PDE1A: variants seen among roughly 807,000 people sequenced by gnomAD.
The protein encoded by PDE1A is dual specificity calcium/calmodulin-dependent 3',5'-cyclic nucleotide phosphodiesterase 1A.
Under a neutral mutation model 61.7 loss-of-function variants are expected in PDE1A, and 35 were observed. The observed-to-expected ratio is 0.57, with a 90% CI of 0.43 to 0.75. The LOEUF (loss-of-function observed/expected upper bound fraction) is 0.75, where lower values mean the gene tolerates loss of function less well. PDE1A is among the 30% of genes least tolerant of loss of function. PDE1A has a pLI of 0.00. For synonymous variants in PDE1A, 232 were observed against 213.2 expected, an observed-to-expected ratio of 1.09 and a Z score of -0.77; for missense variants, 597 against 630.6, an observed-to-expected ratio of 0.95 and a Z score of 0.57.
At chr2:182,583,344 G>T in the PDE1A span, among the ~76,000 whole-genome samples, 1 of 152,146 alleles carries the variant, frequency 6.6e-6, no homozygotes, top group Non-Finnish European at 1.5e-5. Context: ...TTATTATAAA[G>T]ATATAGTAGA....
the PDE1A span, among the ~76,000 whole-genome samples, chr2:182,685,639 G>A: frequency 1.3e-5 from 2 of 152,186 alleles, no homozygotes; most frequent in Non-Finnish European, 2.9e-5. Flanking sequence ...GACTGCCTGA[G>A]TGCTAAATCT....
At chr2:182,520,043 T>C (rs769868060) in intron 2 of PDE1A, among the ~76,000 whole-genome samples, 12 of 151,914 alleles carry the variant, frequency 7.9e-5, no homozygotes, top group Non-Finnish European at 1.8e-4. Context: ...TGATTTTAAT[T>C]GCCAAAACTT....
the PDE1A span, among the ~76,000 whole-genome samples, chr2:182,632,544 G>A: frequency 6.6e-6 from 1 of 151,842 alleles, no homozygotes; most frequent in Admixed American, 6.6e-5. Flanking sequence ...ATTAGATACT[G>A]CAAGAAGAAA....
intron 1 of PDE1A, among the ~76,000 whole-genome samples, chr2:182,415,106 C>CT (rs1387978618): frequency 1.3e-5 from 2 of 152,068 alleles, no homozygotes; most frequent in Non-Finnish European, 2.9e-5. Context: ...AAAATTCTGT[C>CT]TTTACCACTC....
chr2:182,646,428 A>T, the PDE1A span, among the ~76,000 whole-genome samples: 1 of 148,856 alleles, frequency 6.7e-6, no homozygotes, highest in African/African-American at 2.5e-5. Flanking sequence ...GGTGGCTCAC[A>T]CCTGTAATCC....
the PDE1A span, among the ~76,000 whole-genome samples, chr2:182,539,209 T>C: frequency 3.9e-5 from 6 of 152,232 alleles, no homozygotes; most frequent in African/African-American, 1.4e-4. Context: ...TGGTTTATTT[T>C]ACTCATAGTA....
chr2:182,151,127 G>T (rs1477156171), intron 13 of PDE1A, among the ~76,000 whole-genome samples: 1 of 152,110 alleles, frequency 6.6e-6, no homozygotes, highest in East Asian at 1.9e-4. Flanking sequence ...TGCTCTTGTT[G>T]TCCAGGCTGG....
rs1483438406 is a variant in PDE1A at position 182,277,017 on chromosome 2, G to GA, written c.54-12604dup. 3.3e-5 allele frequency among the ~76,000 whole-genome samples: 5 copies of GA among 152,172 alleles called. No homozygotes were observed. The East Asian group carries it at 7.7e-4, about 24-fold the overall frequency. On this transcript the variant is annotated intron_variant, in intron 1 of 13. Coordinates refer to ENST00000351439, the Ensembl canonical transcript of PDE1A. ...TTCTGTTGTTTAAGAAGTTTATTAA[G>GA]ACAATATGTGCACAGCTGAACATAG...
At chr2:182,633,806 G>A in the PDE1A span, among the ~76,000 whole-genome samples, 2 of 152,128 alleles carry the variant, frequency 1.3e-5, no homozygotes, top group South Asian at 2.1e-4. Flanking sequence ...TAACCAGGCT[G>A]GATGCAGTGG....
chr2:182,267,214 A>G (rs1288649539), intron 1 of PDE1A, among the ~76,000 whole-genome samples: 1 of 152,134 alleles, frequency 6.6e-6, no homozygotes, highest in African/African-American at 2.4e-5. Context: ...TGCTTGCACA[A>G]TGAACATGCC....
upstream of PDE1A, among the ~76,000 whole-genome samples, chr2:182,527,533 G>A (rs981503363): frequency 6.7e-6 from 1 of 149,956 alleles, no homozygotes; most frequent in African/African-American, 2.5e-5. Flanking sequence ...ACTCCAGCAT[G>A]GGTGACAGAG....
At chr2:182,239,498 G>T (rs1359968704) in intron 3 of PDE1A, among the ~76,000 whole-genome samples, 1 of 151,982 alleles carries the variant, frequency 6.6e-6, no homozygotes, top group Non-Finnish European at 1.5e-5. Context: ...AGGGCTGAAA[G>T]AATGTAAAAT....
chr2:182,219,042 G>T (rs1384536559), intron 7 of PDE1A, among the ~76,000 whole-genome samples: 1 of 152,008 alleles, frequency 6.6e-6, no homozygotes, highest in Non-Finnish European at 1.5e-5. Context: ...ATTACTTTGG[G>T]TAGCAGGTGA....
At chr2:182,249,041 C>G (rs927306548) in intron 2 of PDE1A, among the ~76,000 whole-genome samples, 1 of 152,166 alleles carries the variant, frequency 6.6e-6, no homozygotes, top group African/African-American at 2.4e-5. Context: ...AAAAGACAGA[C>G]AAGTTGGGTG....
intron 1 of PDE1A, among the ~76,000 whole-genome samples, chr2:182,360,100 G>A (rs367730032): frequency 9.2e-5 from 14 of 151,842 alleles, no homozygotes; most frequent in East Asian, 7.7e-4. Context: ...TTTTCTTTCC[G>A]GATTACACCA....
At chr2:182,297,434 T>A (rs1694960159) in intron 1 of PDE1A, among the ~76,000 whole-genome samples, 1 of 152,188 alleles carries the variant, frequency 6.6e-6, no homozygotes, top group Non-Finnish European at 1.5e-5. Context: ...GGAGGTCTGA[T>A]CATTAAATTG....
At chr2:182,253,728 A>G (rs1691574130) in intron 2 of PDE1A, among the ~76,000 whole-genome samples, 1 of 152,160 alleles carries the variant, frequency 6.6e-6, no homozygotes. Flanking sequence ...GTAAATAATT[A>G]GGGAAAAAAT....
chr2:182,535,265 T>C, the PDE1A span, among the ~76,000 whole-genome samples: 1 of 152,068 alleles, frequency 6.6e-6, no homozygotes, highest in Non-Finnish European at 1.5e-5. Context: ...CACATTAATA[T>C]TACATTCATT....
At chr2:182,492,692 C>T (rs967640124) in intron 2 of PDE1A, among the ~76,000 whole-genome samples, 1 of 152,150 alleles carries the variant, frequency 6.6e-6, no homozygotes, top group Non-Finnish European at 1.5e-5. Flanking sequence ...ATCAACTTTT[C>T]TGTCATGAGC....
Sources: allele counts gnomAD v4.1 joint callset (sites outside exome capture counted in the v4.1 genomes callset), GRCh38; gene constraint gnomAD v4.1.1; transcripts MANE v1.5; gene names NCBI Gene and HGNC (gene_info 2026-07-23, HGNC 2026-07-21).